PTPRD: variants seen among roughly 807,000 people sequenced by gnomAD.
PTPRD encodes receptor-type tyrosine-protein phosphatase delta.
A neutral mutation model predicts 214.5 loss-of-function variants in PTPRD; 34 were observed. The ratio of observed to expected loss-of-function variants is 0.16; its 90% CI spans 0.12 to 0.21. PTPRD has a LOEUF of 0.21. Ranked by LOEUF, PTPRD falls within the 10% of genes least tolerant of loss-of-function variation. PTPRD has a pLI of 1.00. For synonymous variants in PTPRD, 1,128 were observed against 845.7 expected (o/e 1.33, Z -5.79); for missense variants, 2,545 against 2,398.7 (o/e 1.06, Z -1.27).
chr9:8,692,703 G>C (rs1186920221), intron 12 of PTPRD, among the ~76,000 whole-genome samples: 1 of 152,174 alleles, frequency 6.6e-6, no homozygotes, highest in East Asian at 1.9e-4. Context: ...GCTGTGTAAT[G>C]ATATGGCACA....
At chr9:8,888,118 C>T (rs559574381) in intron 11 of PTPRD, among the ~76,000 whole-genome samples, 6 of 152,236 alleles carry the variant, frequency 3.9e-5, no homozygotes, top group African/African-American at 7.2e-5. Flanking sequence ...CTTTTGCTTT[C>T]GTTAAAGAGT....
At chr9:8,603,541 A>C (rs2095003375) in intron 14 of PTPRD, among the ~76,000 whole-genome samples, 1 of 152,192 alleles carries the variant, frequency 6.6e-6, no homozygotes, top group Admixed American at 6.5e-5. Context: ...GAAGAACCTT[A>C]GCACCCCAAG....
chr9:8,932,161 A>G (rs1219295309), intron 11 of PTPRD, among the ~76,000 whole-genome samples: 7 of 151,862 alleles, frequency 4.6e-5, no homozygotes, highest in Admixed American at 4.6e-4. Flanking sequence ...TATCTCCTTC[A>G]GTTCTGCTCT....
At chr9:9,598,531 T>C (rs1023550560) in intron 7 of PTPRD, among the ~76,000 whole-genome samples, 1 of 151,992 alleles carries the variant, frequency 6.6e-6, no homozygotes, top group Non-Finnish European at 1.5e-5. Flanking sequence ...AATTATGAAG[T>C]TATACAGAAT....
intron 2 of PTPRD, among the ~76,000 whole-genome samples, chr9:10,568,221 G>GT (rs1396153294): frequency 1.3e-5 from 2 of 150,990 alleles, no homozygotes; most frequent in Admixed American, 6.6e-5. Flanking sequence ...GCGGTGTTTG[G>GT]TTTTTTGTCC....
intron 4 of PTPRD, among the ~76,000 whole-genome samples, chr9:10,027,983 TGTCCATTGATGG>T (rs1313638213): frequency 6.6e-6 from 1 of 152,178 alleles, no homozygotes; most frequent in African/African-American, 2.4e-5. Context: ...ATCTCCCACC[TGTCCATTGATGG>T]GTCATATGGT....
chr9:10,390,931 T>A (rs112406387), intron 2 of PTPRD, among the ~76,000 whole-genome samples: 2,461 of 151,956 alleles, frequency 0.016, 64 homozygotes, highest in African/African-American at 0.056. Context: ...ACTACCAACA[T>A]CTGTCAATGT....
intron 34 of PTPRD, among the ~76,000 whole-genome samples, chr9:8,447,614 T>A (rs2095785860): frequency 6.6e-6 from 1 of 152,178 alleles, no homozygotes; most frequent in Non-Finnish European, 1.5e-5. Flanking sequence ...CTCTTAATCA[T>A]TCTCTCTACA....
At chr9:9,176,188 G>C (rs759835109) in intron 10 of PTPRD, among the ~76,000 whole-genome samples, 3 of 152,122 alleles carry the variant, frequency 2.0e-5, no homozygotes, top group African/African-American at 7.2e-5. Context: ...TCAGCTTGCT[G>C]GTCTAATTGT....
At chr9:8,429,171 G>C (rs558975424) in intron 35 of PTPRD, among the ~76,000 whole-genome samples, 1 of 152,260 alleles carries the variant, frequency 6.6e-6, no homozygotes, top group African/African-American at 2.4e-5. Flanking sequence ...TTGATACTAA[G>C]GTTTCTGAAC....
chr9:9,215,529 G>T (rs1411880856), intron 9 of PTPRD, among the ~76,000 whole-genome samples: 1 of 152,150 alleles, frequency 6.6e-6, no homozygotes, highest in Non-Finnish European at 1.5e-5. Context: ...AGAATGGGGG[G>T]AGAAAAGGGA....
intron 5 of PTPRD, among the ~76,000 whole-genome samples, chr9:9,810,112 T>C (rs1427540366): frequency 7.2e-6 from 1 of 138,030 alleles, no homozygotes; most frequent in Admixed American, 7.6e-5. Flanking sequence ...TGAAGAACCC[T>C]ATCATGATCT....
In PTPRD at chr9:8,499,671, T is replaced by C. The variant is rs1236471512; in HGVS notation, c.2298A>G (p.Lys766=). The change falls in exon 25 of 46, where the codon AAA becomes AAG. Residue 766 remains lysine, a synonymous_variant. Transcript: ENST00000381196. ...CCTGTGCATCAGCCAGCATGACATC[T>C]TTCAGCATGGGCTGGCCCTTGGGCT... ...NGEPKGQPML[K]DVMLADAQWE... 27 of 1,613,780 alleles carry C rather than the reference T, an allele frequency of 1.7e-5. No individual in the cohort carries two copies. Among genetic ancestry groups the C allele is most frequent in the Non-Finnish European group, 2.2e-5 (26 of 1,179,840 alleles).
At chr9:8,753,318 C>T (rs1006772610) in intron 11 of PTPRD, among the ~76,000 whole-genome samples, 1 of 152,182 alleles carries the variant, frequency 6.6e-6, no homozygotes, top group African/African-American at 2.4e-5. Context: ...TCTGAGATGT[C>T]AACTGATTTC....
At chr9:9,825,353 A>C (rs1384693674) in intron 5 of PTPRD, among the ~76,000 whole-genome samples, 1 of 151,672 alleles carries the variant, frequency 6.6e-6, no homozygotes, top group Non-Finnish European at 1.5e-5. Context: ...AGAAAGAGAC[A>C]AAGAGACACA....
intron 45 of PTPRD, 123 bp from the exon 46 acceptor site, chr9:8,318,065 G>C (rs759636055): frequency 2.3e-5 from 19 of 814,798 alleles, no homozygotes; most frequent in Non-Finnish European, 3.8e-5. Context: ...CACTACTTTC[G>C]TCAACTGGTC....
At chr9:10,481,558 G>A (rs527292459) in intron 2 of PTPRD, among the ~76,000 whole-genome samples, 1 of 152,120 alleles carries the variant, frequency 6.6e-6, no homozygotes, top group Non-Finnish European at 1.5e-5. Context: ...TGTTATCAAT[G>A]TCTCTTAGCC....
At chr9:8,539,172 TA>T (rs1197821178) in intron 14 of PTPRD, among the ~76,000 whole-genome samples, 1 of 152,018 alleles carries the variant, frequency 6.6e-6, no homozygotes, top group Non-Finnish European at 1.5e-5. Context: ...CATACTGATA[TA>T]AATAACTGAG....
At chr9:9,417,682 T>G (rs2077393781) in intron 8 of PTPRD, among the ~76,000 whole-genome samples, 1 of 152,126 alleles carries the variant, frequency 6.6e-6, no homozygotes, top group South Asian at 2.1e-4. Flanking sequence ...GCAGTATTTG[T>G]AGTGACATGG....
Sources: gnomAD v4.1 joint callset for allele counts (sites outside exome capture counted in the v4.1 genomes callset) on GRCh38, gnomAD v4.1.1 for gene constraint, MANE v1.5 for transcripts, NCBI Gene and HGNC (gene_info 2026-07-23, HGNC 2026-07-21) for gene names.